RASEF: variants seen among roughly 807,000 people sequenced by gnomAD.
RASEF encodes ras and EF-hand domain-containing protein.
A neutral mutation model predicts 90.1 loss-of-function variants in RASEF; 68 were observed. The observed-to-expected ratio is 0.75, with a 90% confidence interval of 0.62 to 0.92. RASEF has a LOEUF of 0.92. Ranked by LOEUF, RASEF falls within the 40% of genes least tolerant of loss-of-function variation. The pLI is 0.00. For synonymous variants in RASEF, 331 were observed against 345.2 expected, an observed-to-expected ratio of 0.96 and a Z score of 0.46; for missense variants, 949 against 937.2, an observed-to-expected ratio of 1.01 and a Z score of -0.16.
chr9:83,000,216 A>T lies in RASEF; in HGVS notation c.1676T>A (p.Met559Lys). ...DAAVGKSSFL[M>K]RLCKNEFREN... ...TCGAAATTCATTCTTGCAAAGTCTC[A>T]TGAGGAAACTAGACTTCCCCACTGC... The change falls in exon 12 of 17, where the codon ATG becomes AAG. Residue 559 changes from methionine (M) to lysine (K), a missense_variant. By Grantham distance (95) the Met-to-Lys change is moderately conservative. Transcript: ENST00000376447. The T allele has an allele frequency of 6.2e-7, 1 of 1,614,094 alleles. No homozygotes were observed. The highest frequency in any genetic ancestry group is 8.5e-7 in the Non-Finnish European group (1 of 1,179,972).
intron 13 of RASEF, among the ~76,000 whole-genome samples, chr9:82,997,841 T>C (rs2118425849): frequency 1.3e-5 from 2 of 152,312 alleles, no homozygotes; most frequent in East Asian, 3.9e-4. Context: ...AGGCACCCCA[T>C]ACTTACGGGT....
At chr9:83,075,424 A>G in the RASEF span, among the ~76,000 whole-genome samples, 18 of 152,342 alleles carry the variant, frequency 1.2e-4, no homozygotes, top group South Asian at 1.9e-3. Flanking sequence ...CATTATAAAT[A>G]ATTATAAACA....
At chr9:83,138,934 A>G in the RASEF span, among the ~76,000 whole-genome samples, 1 of 152,154 alleles carries the variant, frequency 6.6e-6, no homozygotes, top group Non-Finnish European at 1.5e-5. Context: ...GAGTATTTGA[A>G]CATGAAATGA....
At chr9:83,086,797 G>C in the RASEF span, among the ~76,000 whole-genome samples, 1 of 152,018 alleles carries the variant, frequency 6.6e-6, no homozygotes, top group African/African-American at 2.4e-5. Flanking sequence ...AGGAAGTGAT[G>C]AGAGAGAGAG....
At chr9:83,095,258 G>A in the RASEF span, among the ~76,000 whole-genome samples, 1 of 151,892 alleles carries the variant, frequency 6.6e-6, no homozygotes, top group Non-Finnish European at 1.5e-5. Flanking sequence ...GCACTGCTTG[G>A]AACTGAGATA....
In RASEF at chr9:83,021,210, G is replaced by A. The variant is rs368626518; in HGVS notation, c.669+1126C>T. ...ATAGATCATCATGTCTAACCCCTGT[G>A]AAGGCAGGTAGGTTGCATTATCCCA... On this transcript the variant is annotated intron_variant, in intron 3 of 16. Transcript: ENST00000376447. Among the ~76,000 whole-genome samples the A allele has an allele frequency of 9.8e-5, 15 of 152,290 alleles. No individual in the cohort carries two copies. In the South Asian group the frequency reaches 1.9e-3, roughly 19 times the overall value.
At chr9:83,029,013 T>C (rs1829595405) in intron 1 of RASEF, among the ~76,000 whole-genome samples, 1 of 152,154 alleles carries the variant, frequency 6.6e-6, no homozygotes, top group African/African-American at 2.4e-5. Context: ...GATACAGTCA[T>C]ATCAGACTTC....
At chr9:83,112,412 C>T in the RASEF span, among the ~76,000 whole-genome samples, 20 of 152,162 alleles carry the variant, frequency 1.3e-4, no homozygotes, top group Non-Finnish European at 1.9e-4. Flanking sequence ...GGGCTGAGCG[C>T]GGCGGCTCAC....
chr9:83,082,195 G>A, the RASEF span, among the ~76,000 whole-genome samples: 7 of 152,144 alleles, frequency 4.6e-5, no homozygotes, highest in Admixed American at 1.3e-4. Context: ...CCAATAATCC[G>A]TACTTAGGAA....
chr9:83,078,682 G>A, the RASEF span, among the ~76,000 whole-genome samples: 2 of 151,898 alleles, frequency 1.3e-5, no homozygotes, highest in Non-Finnish European at 2.9e-5. Context: ...AAAAAAGAGA[G>A]AGAGAGAGAA....
At chr9:83,158,580 T>TTATATGTATATATGTCCAAATATATACA in the RASEF span, among the ~76,000 whole-genome samples, 12 of 143,640 alleles carry the variant, frequency 8.4e-5, no homozygotes, top group South Asian at 2.0e-3. Context: ...GTATATATGT[T>TTATATGTATATATGTCCAAATATATACA]TATATGTATA....
chr9:82,983,984 C>G (rs1051348761), intron 16 of RASEF, among the ~76,000 whole-genome samples: 2 of 152,172 alleles, frequency 1.3e-5, no homozygotes, highest in African/African-American at 4.8e-5. Context: ...CCACCTCTGC[C>G]AACTGTGAGA....
the RASEF span, among the ~76,000 whole-genome samples, chr9:83,072,870 C>A: frequency 6.6e-6 from 1 of 152,190 alleles, no homozygotes; most frequent in African/African-American, 2.4e-5. Flanking sequence ...AGGAACAATA[C>A]TTTGCATCCT....
At chr9:83,024,343 C>T (rs755889027) in intron 2 of RASEF, among the ~76,000 whole-genome samples, 6 of 151,120 alleles carry the variant, frequency 4.0e-5, no homozygotes, top group South Asian at 2.1e-4. Flanking sequence ...TTTTTTTCCT[C>T]ATAGGTTTAC....
intron 1 of RASEF, among the ~76,000 whole-genome samples, chr9:83,057,156 C>T (rs1267671428): frequency 6.6e-6 from 1 of 152,216 alleles, no homozygotes; most frequent in Non-Finnish European, 1.5e-5. Context: ...TCTCACCACT[C>T]CTTCTCAATA....
the RASEF span, among the ~76,000 whole-genome samples, chr9:83,185,535 C>T: frequency 5.0e-4 from 76 of 152,016 alleles, no homozygotes; most frequent in Admixed American, 9.2e-4. Flanking sequence ...CTTTGAAGCA[C>T]GATTTCTGGT....
At chr9:83,013,219 C>CAACAACAAA (rs1287378282) in intron 4 of RASEF, among the ~76,000 whole-genome samples, 1 of 152,162 alleles carries the variant, frequency 6.6e-6, no homozygotes, top group Admixed American at 6.5e-5. Flanking sequence ...ACAACAACAA[C>CAACAACAAA]AACAACAAAA....
intron 1 of RASEF, among the ~76,000 whole-genome samples, chr9:83,059,411 G>A (rs1830166848): frequency 6.7e-6 from 1 of 149,028 alleles, no homozygotes; most frequent in Admixed American, 6.7e-5. Context: ...TGGAGAAAAT[G>A]CTCACAGCAT....
the RASEF span, among the ~76,000 whole-genome samples, chr9:83,202,785 C>T: frequency 6.6e-6 from 1 of 152,144 alleles, no homozygotes; most frequent in African/African-American, 2.4e-5. Flanking sequence ...AGCCACCACA[C>T]CCAGCCAAGA....
Sources: allele counts gnomAD v4.1 joint callset (sites outside exome capture counted in the v4.1 genomes callset), GRCh38; gene constraint gnomAD v4.1.1; transcripts MANE v1.5; gene names NCBI Gene and HGNC (gene_info 2026-07-23, HGNC 2026-07-21).